TRAPPC13: variants seen among roughly 807,000 people sequenced by gnomAD.
The protein encoded by TRAPPC13 is REV7-interacting novel NHEJ regulator 1.
TRAPPC13 carries 39 observed loss-of-function variants against 54.0 expected under a neutral mutation model. The observed-to-expected ratio is 0.72, with a 90% CI of 0.56 to 0.94. TRAPPC13 has a LOEUF of 0.94. Among genes scored for constraint, TRAPPC13 ranks in the 40% least tolerant of loss-of-function variants. TRAPPC13 has a pLI of 0.00. For synonymous variants in TRAPPC13, 148 were observed against 167.7 expected, an observed-to-expected ratio of 0.88 and a Z score of 0.91; for missense variants, 386 against 488.1, an observed-to-expected ratio of 0.79 and a Z score of 1.97.
rs547181545 is a variant in TRAPPC13 at position 65,646,861 on chromosome 5, T to G, written c.301-194T>G. ...ATCTTATTTATTTATTTTTTTGGGG[T>G]TGGGGGGGTGTGCCATTGCCATGGT... On this transcript the variant is annotated intron_variant, in intron 4 of 12. Coordinates refer to ENST00000399438, the MANE Select transcript of TRAPPC13 (RefSeq NM_024941.4). Among the ~76,000 whole-genome samples, 67 of 151,998 alleles carry G rather than the reference T, an allele frequency of 4.4e-4. No homozygotes were observed. The South Asian group carries it at 0.013, about 29-fold the overall frequency.
intron 10 of TRAPPC13, chr5:65,661,411 T>A (rs1212412346): frequency 6.6e-6 from 1 of 152,528 alleles, no homozygotes; most frequent in Non-Finnish European, 1.5e-5. Context: ...CTTCTTTTTC[T>A]TATGCTTGTA....
intron 9 of TRAPPC13, among the ~76,000 whole-genome samples, 157 bp downstream of exon 9, chr5:65,658,658 C>A (rs1429924076): frequency 6.6e-6 from 1 of 151,580 alleles, no homozygotes; most frequent in African/African-American, 2.4e-5. Flanking sequence ...TCCACATACC[C>A]TCTTCCACTC....
At chr5:65,644,067 G>T (rs534615478) in intron 4 of TRAPPC13, among the ~76,000 whole-genome samples, 193 of 152,178 alleles carry the variant, frequency 1.3e-3, no homozygotes, top group Non-Finnish European at 1.5e-3. Context: ...TTTTGAAAAT[G>T]CTACTCCTTT....
At position 65,639,730 on chromosome 5, in the gene TRAPPC13, A is replaced by G. The variant is rs185517561; in HGVS notation, c.300+1950A>G. 2.4e-4 allele frequency among the ~76,000 whole-genome samples: 37 copies of G among 152,350 alleles called. No homozygotes were observed. The East Asian group carries it at 2.5e-3, about 10-fold the overall frequency. On this transcript the variant is annotated intron_variant, in intron 4 of 12. Coordinates refer to ENST00000399438, the MANE Select transcript of TRAPPC13 (RefSeq NM_024941.4). ...GTGTTAGAAAGACTGATATGAGCAC[A>G]TTGTGTGGGATGCTTTGTAGAAAAT...
At chr5:65,661,023 G>A in intron 10 of TRAPPC13, 126 bp downstream of exon 10, 1 of 710,108 alleles carries the variant, frequency 1.4e-6, no homozygotes, top group East Asian at 2.8e-5. Context: ...TACTACTGGA[G>A]CAGAAAAGAT....
At chr5:65,625,177 T>C in intron 1 of TRAPPC13, 71 bp downstream of exon 1, 1 of 1,293,922 alleles carries the variant, frequency 7.7e-7, no homozygotes, top group Non-Finnish European at 1.1e-6. Context: ...GCCTTTGCCA[T>C]GTAGGCCTCA....
intron 8 of TRAPPC13, chr5:65,658,163 T>C (rs557144525): frequency 4.6e-6 from 2 of 436,578 alleles, no homozygotes; most frequent in African/African-American, 2.0e-5. Flanking sequence ...AAGGTATCAG[T>C]TGACTAACAC....
intron 7 of TRAPPC13, among the ~76,000 whole-genome samples, chr5:65,653,344 C>A (rs1388502576): frequency 6.6e-6 from 1 of 152,096 alleles, no homozygotes; most frequent in Non-Finnish European, 1.5e-5. Flanking sequence ...CTCTGCTACT[C>A]TAAAACCAGA....
rs1325846160 is a variant in TRAPPC13, at chr5:65,666,091, A to G, written c.*1480A>G. The G allele has an allele frequency of 6.6e-6, 1 of 152,638 alleles. No individual in the cohort carries two copies. The highest frequency in any genetic ancestry group is 1.5e-5 in the Non-Finnish European group (1 of 68,006). The allele number at this position is 152,638 out of a possible 1,614,324, so 9.5% of individuals were successfully genotyped here. ...AAAATTGAAGTCTGTCTTTGTTTCA[A>G]AATGATTAAGATTAAATGATGAAAT... On this transcript the variant is annotated 3_prime_UTR_variant, in exon 13 of 13. Coordinates refer to ENST00000399438, the MANE Select transcript of TRAPPC13 (RefSeq NM_024941.4).
At chr5:65,646,918 C>A in intron 4 of TRAPPC13, 137 bp from the exon 5 acceptor site, 1 of 785,892 alleles carries the variant, frequency 1.3e-6, no homozygotes, top group Non-Finnish European at 1.9e-6. Context: ...GAAAGGTTTA[C>A]ACATAAAAGT....
intron 4 of TRAPPC13, among the ~76,000 whole-genome samples, chr5:65,641,726 CA>C (rs535857101): frequency 1.4e-5 from 2 of 144,084 alleles, no homozygotes; most frequent in East Asian, 2.0e-4. Context: ...AAAAAAAAAA[CA>C]AAAAAAACAA....
At chr5:65,636,456 G>A (rs2150668643) in intron 3 of TRAPPC13, among the ~76,000 whole-genome samples, 1 of 151,610 alleles carries the variant, frequency 6.6e-6, no homozygotes, top group East Asian at 1.9e-4. Context: ...ATACATTTGA[G>A]GGGCAAAAAT....
At chr5:65,643,479 A>T (rs1423154474) in intron 4 of TRAPPC13, among the ~76,000 whole-genome samples, 2 of 151,932 alleles carry the variant, frequency 1.3e-5, no homozygotes, top group South Asian at 4.2e-4. Flanking sequence ...TTACTAGTGT[A>T]TTTCTATATA....
At position 65,662,325 on chromosome 5, in the gene TRAPPC13, T is replaced by C. The variant is rs73763180; in HGVS notation, c.998+175T>C. The C allele has an allele frequency of 2.6e-3, 1,277 of 491,572 alleles. 8 individuals are homozygous for C. Among genetic ancestry groups the C allele is most frequent in the African/African-American group, 0.02 (1,004 of 49,558 alleles). The allele number at this position is 491,572 out of a possible 1,614,324, so 30.5% of individuals were successfully genotyped here. A position where few individuals can be genotyped will look rare whatever the true frequency, so the allele number is the denominator to read the frequency against. ...TCTGGTAGCAGTATAATTACATATT[T>C]TTAAGGGCCTATTGTATTATGCATC... On this transcript the variant is annotated intron_variant, in intron 11 of 12. Coordinates refer to ENST00000399438, the MANE Select transcript of TRAPPC13 (RefSeq NM_024941.4).
intron 7 of TRAPPC13, 75 bp from the exon 8 acceptor site, chr5:65,655,556 CATTTT>C: frequency 2.2e-6 from 1 of 450,108 alleles, no homozygotes; most frequent in South Asian, 8.2e-5. Context: ...TGCAGAAATG[CATTTT>C]ATTTTAAAGT....
chr5:65,630,616 T>A, intron 1 of TRAPPC13: 1 of 1,065,454 alleles, frequency 9.4e-7, no homozygotes, highest in East Asian at 6.7e-5. Context: ...ATAGTTTGGA[T>A]TTTGGTTAAT....
chr5:65,629,344 A>G, intron 1 of TRAPPC13: 1 of 599,538 alleles, frequency 1.7e-6, no homozygotes. Flanking sequence ...ACATTTACCA[A>G]TAGCACTTTG....
chr5:65,658,969 C>T (rs566853451), intron 9 of TRAPPC13, among the ~76,000 whole-genome samples: 1 of 152,122 alleles, frequency 6.6e-6, no homozygotes, highest in African/African-American at 2.4e-5. Context: ...ATCTGCCCAC[C>T]TTATCCTCCC....
At chr5:65,656,340 A>G (rs1756650959) in intron 8 of TRAPPC13, among the ~76,000 whole-genome samples, 1 of 152,058 alleles carries the variant, frequency 6.6e-6, no homozygotes, top group Non-Finnish European at 1.5e-5. Context: ...ATTTATGCAG[A>G]AAATTGCAGT....
Sources: gnomAD v4.1 joint callset for allele counts (sites outside exome capture counted in the v4.1 genomes callset) on GRCh38, gnomAD v4.1.1 for gene constraint, MANE v1.5 for transcripts, NCBI Gene and HGNC (gene_info 2026-07-23, HGNC 2026-07-21) for gene names.